Variants in NOL10 observed in about 807,000 individuals in gnomAD.
NOL10 encodes the protein nucleolar protein 10, also known as H_NH0074G24.1.
In NOL10, 58 loss-of-function variants were observed where a neutral mutation model predicts 103.5. The ratio of observed to expected loss-of-function variants is 0.56; its 90% CI spans 0.45 to 0.70. The LOEUF is 0.70. NOL10 is among the 30% of genes least tolerant of loss of function. The pLI, the probability that NOL10 is intolerant of heterozygous loss-of-function variation, is 0.00. For synonymous variants in NOL10, 287 were observed against 282.5 expected (o/e 1.02, Z -0.16); for missense variants, 763 against 807.3 (o/e 0.95, Z 0.67).
chr2:10,677,934 C>CAT (rs1417106250), intron 3 of NOL10, among the ~76,000 whole-genome samples: 3 of 143,236 alleles, frequency 2.1e-5, no homozygotes, highest in Non-Finnish European at 4.6e-5. Flanking sequence ...TAGACAGATA[C>CAT]ATATATATAC....
chr2:10,653,492 T>C (rs1308890112), intron 12 of NOL10, among the ~76,000 whole-genome samples: 1 of 152,146 alleles, frequency 6.6e-6, no homozygotes, highest in African/African-American at 2.4e-5. Context: ...GCACAGTGGG[T>C]AGACCTGCCT....
intron 1 of NOL10, among the ~76,000 whole-genome samples, chr2:10,686,662 G>T (rs1428388620): frequency 2.0e-5 from 3 of 152,210 alleles, no homozygotes; most frequent in African/African-American, 7.2e-5. Flanking sequence ...TTGAATCAGT[G>T]ACAGTAATGG....
chr2:10,573,308 C>T (rs1450120207), intron 20 of NOL10, among the ~76,000 whole-genome samples: 2 of 152,158 alleles, frequency 1.3e-5, no homozygotes, highest in East Asian at 3.9e-4. Flanking sequence ...ATTCCCCTGC[C>T]TCAGCCTCCA....
chr2:10,590,880 G>A (rs776417734), intron 17 of NOL10: 1 of 152,184 alleles, frequency 6.6e-6, no homozygotes, highest in Non-Finnish European at 1.5e-5. Context: ...GGCTTACTCA[G>A]AATTGTTTGT....
intron 20 of NOL10, among the ~76,000 whole-genome samples, chr2:10,575,952 C>T (rs9973367): frequency 0.55 from 84,134 of 152,094 alleles, 25,153 homozygotes; most frequent in Non-Finnish European, 0.7. Context: ...TCTCAGCAGA[C>T]AGAATTAACT....
intron 13 of NOL10, among the ~76,000 whole-genome samples, chr2:10,637,192 A>G (rs1440589173): frequency 6.9e-6 from 1 of 144,898 alleles, no homozygotes; most frequent in Non-Finnish European, 1.5e-5. Context: ...CTGTCTCAAA[A>G]AAAAAAAAAA....
In NOL10 at chr2:10,667,108, T is replaced by A. The variant is rs1376021246; in HGVS notation, c.591+110A>T. ...GTTACTCTACAGGATGTTCAAGCTA[T>A]CACCTCATTATCATCCTGCTCTAAG... On this transcript the variant is annotated intron_variant, in intron 8 of 20. Transcript: ENST00000381685. The A allele has an allele frequency of 8.2e-6, 6 of 730,656 alleles. No homozygotes were observed. In the African/African-American group the frequency reaches 1.1e-4, roughly 13 times the overall value. 45.3% of individuals were successfully genotyped at this position (730,656 alleles called of 1,614,324 possible).
At chr2:10,614,203 G>A (rs1158458148) in intron 13 of NOL10, among the ~76,000 whole-genome samples, 1 of 152,030 alleles carries the variant, frequency 6.6e-6, no homozygotes. Flanking sequence ...CGGGTGATCC[G>A]CTCACCTCGG....
chr2:10,607,103 C>T (rs6744848), intron 14 of NOL10, 82 bp downstream of exon 14: 62,513 of 891,684 alleles, frequency 0.07, 4,272 homozygotes, highest in East Asian at 0.34. Flanking sequence ...AAACATGGCT[C>T]AGCCAATTCT....
intron 9 of NOL10, among the ~76,000 whole-genome samples, chr2:10,661,512 C>T (rs1469683134): frequency 1.3e-5 from 2 of 152,152 alleles, no homozygotes; most frequent in East Asian, 1.9e-4. Flanking sequence ...CTTGGGATTA[C>T]AGGCATGCAC....
intron 15 of NOL10, 72 bp downstream of exon 15, chr2:10,603,006 C>T (rs897069541): frequency 5.8e-5 from 75 of 1,303,954 alleles, no homozygotes; most frequent in Non-Finnish European, 7.4e-5. Context: ...TATGAAAGTG[C>T]GAGTAGTGAG....
chr2:10,637,186 C>A (rs2148261176), intron 13 of NOL10, among the ~76,000 whole-genome samples: 1 of 34,648 alleles, frequency 2.9e-5, no homozygotes, highest in African/African-American at 9.7e-5. Flanking sequence ...AAGACACTGT[C>A]TCAAAAAAAA....
chr2:10,587,076 TACA>T (rs1558270006), intron 19 of NOL10, among the ~76,000 whole-genome samples: 10 of 55,104 alleles, frequency 1.8e-4, no homozygotes, highest in African/African-American at 3.9e-4. Flanking sequence ...TACATATATA[TACA>T]TATATATACA....
At chr2:10,689,195 C>T (rs1682435137) in intron 1 of NOL10, among the ~76,000 whole-genome samples, 1 of 152,164 alleles carries the variant, frequency 6.6e-6, no homozygotes, top group African/African-American at 2.4e-5. Context: ...GCATATTAAA[C>T]GCATTATTAA....
chr2:10,652,216 G>C (rs543213426), intron 12 of NOL10, among the ~76,000 whole-genome samples: 1 of 151,106 alleles, frequency 6.6e-6, no homozygotes, highest in Non-Finnish European at 1.5e-5. Context: ...CTCCAGCCTG[G>C]GGGACAGAGG....
At chr2:10,595,601 TTTGTTTGTTTG>T (rs1675644006) in intron 17 of NOL10, among the ~76,000 whole-genome samples, 3 of 136,864 alleles carry the variant, frequency 2.2e-5, no homozygotes, top group Non-Finnish European at 4.7e-5. Context: ...TTGTTTTGTT[TTTGTTTGTTTG>T]TTTGTTTTTT....
intron 13 of NOL10, among the ~76,000 whole-genome samples, chr2:10,623,675 A>T (rs1311670161): frequency 6.6e-6 from 1 of 152,164 alleles, no homozygotes; most frequent in Non-Finnish European, 1.5e-5. Context: ...GTGTTTGTGT[A>T]ACAAATGTTT....
chr2:10,607,230 A>G lies in NOL10; in HGVS notation c.1108T>C (p.Tyr370His). 6.2e-7 allele frequency: 1 copy of G among 1,608,120 alleles called. No homozygotes were observed. Among genetic ancestry groups the G allele is most frequent in the Non-Finnish European group, 8.5e-7 (1 of 1,176,566 alleles). The change falls in exon 14 of 21, where the codon TAT (tyrosine) becomes CAT (histidine). Residue 370 changes from tyrosine (Y) to histidine (H), a missense_variant. Coordinates refer to ENST00000381685, the MANE Select transcript of NOL10 (RefSeq NM_024894.4). ...TTGGTGACAAATTTATAATCATCATAGACTGTGCTTTCTGGATTCTCTTCT... is the reference window on the plus strand; with the variant it reads ...TTGGTGACAAATTTATAATCATCATGGACTGTGCTTTCTGGATTCTCTTCT... The part of the protein sequence containing the change: ...ELEENPESTV[Y>H]DDYKFVTKKD...
intron 12 of NOL10, among the ~76,000 whole-genome samples, chr2:10,645,596 T>A (rs1379994023): frequency 6.7e-6 from 1 of 149,356 alleles, no homozygotes; most frequent in Non-Finnish European, 1.5e-5. Context: ...TGCAGTGGCG[T>A]GGTCTCGGCT....
Sources: allele counts gnomAD v4.1 joint callset (sites outside exome capture counted in the v4.1 genomes callset), GRCh38; gene constraint gnomAD v4.1.1; transcripts MANE v1.5; gene names NCBI Gene and HGNC (gene_info 2026-07-23, HGNC 2026-07-21).